The following INPP4B variants were observed in gnomAD, a reference collection of about 807,000 sequenced individuals.
INPP4B encodes the protein inositol polyphosphate 4-phosphatase type II.
Under a neutral mutation model 122.5 loss-of-function variants are expected in INPP4B, and 55 were observed. The observed-to-expected ratio is 0.45, with a 90% CI of 0.36 to 0.56. The LOEUF (loss-of-function observed/expected upper bound fraction) is 0.56. INPP4B is among the 20% of genes least tolerant of loss of function. The probability of loss-of-function intolerance (pLI) is 0.00; values close to 1 mark genes in which losing one functional copy is unlikely to be tolerated. For synonymous variants in INPP4B, 403 were observed against 388.7 expected, an observed-to-expected ratio of 1.04 and a Z score of -0.43; for missense variants, 1,000 against 1,097.7, an observed-to-expected ratio of 0.91 and a Z score of 1.26.
At chr4:142,243,922 A>AT (rs1302184945) in intron 11 of INPP4B, among the ~76,000 whole-genome samples, 17 of 121,626 alleles carry the variant, frequency 1.4e-4, no homozygotes, top group East Asian at 5.2e-4. Flanking sequence ...ATTATTATTT[A>AT]TTATTATACT....
intron 3 of INPP4B, among the ~76,000 whole-genome samples, chr4:142,453,918 T>C (rs1037697548): frequency 8.5e-5 from 13 of 152,166 alleles, no homozygotes; most frequent in African/African-American, 3.1e-4. Context: ...AGCATTTCTC[T>C]GAGCAACTCA....
intron 9 of INPP4B, among the ~76,000 whole-genome samples, chr4:142,283,923 C>A (rs1752338702): frequency 6.6e-6 from 1 of 152,050 alleles, no homozygotes; most frequent in Non-Finnish European, 1.5e-5. Context: ...GCAAAAGAAA[C>A]AGAGAAGAAA....
chr4:142,047,789 T>A (rs966893), intron 25 of INPP4B, among the ~76,000 whole-genome samples: 1 of 151,836 alleles, frequency 6.6e-6, no homozygotes, highest in African/African-American at 2.4e-5. Context: ...AGCACAGATA[T>A]GAAACAAAAA....
intron 23 of INPP4B, among the ~76,000 whole-genome samples, chr4:142,099,691 C>T (rs1330576357): frequency 6.6e-6 from 1 of 152,096 alleles, no homozygotes; most frequent in Non-Finnish European, 1.5e-5. Flanking sequence ...GACACACTTA[C>T]TTAGCTTAAC....
chr4:142,833,813 A>G (rs1357661232), intron 1 of INPP4B, among the ~76,000 whole-genome samples: 3 of 152,158 alleles, frequency 2.0e-5, no homozygotes, highest in Non-Finnish European at 4.4e-5. Flanking sequence ...AAAAGCATGC[A>G]TGTGAACAAA....
intron 2 of INPP4B, among the ~76,000 whole-genome samples, chr4:142,484,341 T>A (rs1328907351): frequency 6.6e-6 from 1 of 152,080 alleles, no homozygotes; most frequent in African/African-American, 2.4e-5. Context: ...TATACATGCA[T>A]ATAAAAATGT....
At chr4:142,114,286 G>A (rs9995231) in intron 21 of INPP4B, among the ~76,000 whole-genome samples, 20,119 of 151,902 alleles carry the variant, frequency 0.13, 1,489 homozygotes, top group East Asian at 0.24. Context: ...GGATTGAGCC[G>A]TGGTATGGAG....
At chr4:142,301,922 T>C (rs1761593267) in intron 9 of INPP4B, among the ~76,000 whole-genome samples, 1 of 152,218 alleles carries the variant, frequency 6.6e-6, no homozygotes, top group Admixed American at 6.5e-5. Context: ...TCCTGACTGC[T>C]AGTATCATTT....
intron 7 of INPP4B, among the ~76,000 whole-genome samples, chr4:142,318,265 A>G (rs929224444): frequency 1.3e-5 from 2 of 152,022 alleles, no homozygotes; most frequent in East Asian, 3.9e-4. Context: ...GGAAAGAAAG[A>G]AGGAGTGGAA....
intron 7 of INPP4B, among the ~76,000 whole-genome samples, chr4:142,315,388 G>A (rs1728731137): frequency 6.6e-6 from 1 of 152,000 alleles, no homozygotes; most frequent in African/African-American, 2.4e-5. Context: ...TGTGGGAGGG[G>A]GAATAATGTC....
intron 7 of INPP4B, among the ~76,000 whole-genome samples, chr4:142,396,366 C>T (rs1200400333): frequency 6.6e-6 from 1 of 151,942 alleles, no homozygotes; most frequent in Non-Finnish European, 1.5e-5. Context: ...GGAAAACGTG[C>T]TCAACATAAT....
At chr4:142,148,405 G>A (rs921111340) in intron 17 of INPP4B, among the ~76,000 whole-genome samples, 2 of 151,920 alleles carry the variant, frequency 1.3e-5, no homozygotes, top group African/African-American at 4.8e-5. Context: ...GCAGAGATGG[G>A]GTTTTACTAT....
At chr4:142,819,692 T>C (rs993811964) in intron 1 of INPP4B, among the ~76,000 whole-genome samples, 7 of 152,124 alleles carry the variant, frequency 4.6e-5, no homozygotes, top group Non-Finnish European at 8.8e-5. Flanking sequence ...AATACGTATG[T>C]GGTAGAGGTT....
At chr4:142,640,745 G>GA (rs1249755479) in intron 2 of INPP4B, among the ~76,000 whole-genome samples, 1 of 150,214 alleles carries the variant, frequency 6.7e-6, no homozygotes, top group Non-Finnish European at 1.5e-5. Flanking sequence ...CAACATAATA[G>GA]AAAAAAGGTC....
At chr4:142,368,229 T>C (rs1173581748) in intron 7 of INPP4B, among the ~76,000 whole-genome samples, 1 of 152,206 alleles carries the variant, frequency 6.6e-6, no homozygotes, top group Non-Finnish European at 1.5e-5. Flanking sequence ...ATCATTATAA[T>C]AATAAATGGT....
chr4:142,656,558 G>T (rs947268468), intron 2 of INPP4B, among the ~76,000 whole-genome samples: 1 of 152,114 alleles, frequency 6.6e-6, no homozygotes, highest in African/African-American at 2.4e-5. Flanking sequence ...GGGCTAGGAT[G>T]CATGGCCTAA....
At chr4:142,233,558 C>T (rs956362483) in intron 12 of INPP4B, among the ~76,000 whole-genome samples, 19 of 152,040 alleles carry the variant, frequency 1.2e-4, no homozygotes, top group Non-Finnish European at 5.9e-5. Context: ...AAGCACCTGT[C>T]ATTTTCATTA....
At chr4:142,649,962 G>A (rs1326412558) in intron 2 of INPP4B, among the ~76,000 whole-genome samples, 1 of 152,362 alleles carries the variant, frequency 6.6e-6, no homozygotes, top group East Asian at 1.9e-4. Context: ...AGGGCAGCCA[G>A]AGAGAAAGGT....
chr4:142,596,618 G>A (rs1580458998), intron 2 of INPP4B, among the ~76,000 whole-genome samples: 1 of 152,278 alleles, frequency 6.6e-6, no homozygotes, highest in African/African-American at 2.4e-5. Context: ...GTTTAAAATT[G>A]CAAATGGAGA....
Sources: allele counts gnomAD v4.1 joint callset (sites outside exome capture counted in the v4.1 genomes callset), GRCh38; gene constraint gnomAD v4.1.1; transcripts MANE v1.5; gene names NCBI Gene and HGNC (gene_info 2026-07-23, HGNC 2026-07-21).